CACNA1E: variants seen among roughly 807,000 people sequenced by gnomAD.
The protein encoded by CACNA1E is voltage-dependent R-type calcium channel subunit alpha-1E.
CACNA1E carries 40 observed loss-of-function variants against 259.2 expected under a neutral mutation model. That is an observed-to-expected ratio of 0.15 (90% confidence interval 0.12 to 0.20). The LOEUF (loss-of-function observed/expected upper bound fraction) is 0.20, where lower values mean the gene tolerates loss of function less well. Ranked by LOEUF, CACNA1E falls within the 10% of genes least tolerant of loss-of-function variation. CACNA1E has a pLI of 1.00. For missense variants in CACNA1E, 1,874 were observed against 3,040.1 expected (o/e 0.62, Z 9.02); for synonymous variants, 1,104 against 1,138.5 (o/e 0.97, Z 0.61).
chr1:181,546,748 C>T (rs576328775), intron 3 of CACNA1E, among the ~76,000 whole-genome samples: 1 of 152,324 alleles, frequency 6.6e-6, no homozygotes, highest in East Asian at 1.9e-4. Context: ...CTCTTCATGA[C>T]AACTGTCCAC....
intron 14 of CACNA1E, 66 bp from the exon 15 acceptor site, chr1:181,720,717 T>G (rs1654342227): frequency 3.3e-6 from 3 of 916,226 alleles, no homozygotes; most frequent in Non-Finnish European, 5.3e-6. Flanking sequence ...AGCTGTGATC[T>G]TGGGGAATGG....
intron 34 of CACNA1E, among the ~76,000 whole-genome samples, chr1:181,765,233 GT>G (rs1658921263): frequency 6.6e-6 from 1 of 151,944 alleles, no homozygotes; most frequent in Admixed American, 6.6e-5. Context: ...CTTATTTTGT[GT>G]TAGAATGTAT....
intron 6 of CACNA1E, among the ~76,000 whole-genome samples, chr1:181,581,366 A>G (rs1380837101): frequency 6.6e-6 from 1 of 152,204 alleles, no homozygotes; most frequent in South Asian, 2.1e-4. Context: ...CATTACACAC[A>G]CATAAAAAGC....
At chr1:181,716,298 A>G (rs961085504) in intron 10 of CACNA1E, among the ~76,000 whole-genome samples, 169 bp downstream of exon 10, 1 of 142,454 alleles carries the variant, frequency 7.0e-6, no homozygotes, top group South Asian at 2.2e-4. Context: ...GATTTATTTA[A>G]AAAAAAAAAA....
At chr1:181,503,070 C>T (rs1665402558) in intron 1 of CACNA1E, among the ~76,000 whole-genome samples, 2 of 152,166 alleles carry the variant, frequency 1.3e-5, no homozygotes, top group Non-Finnish European at 2.9e-5. Context: ...GCAGAGATTT[C>T]TGTAAGAATG....
At chr1:181,773,159 G>A (rs1395576317) in intron 37 of CACNA1E, among the ~76,000 whole-genome samples, 1 of 152,178 alleles carries the variant, frequency 6.6e-6, no homozygotes, top group Non-Finnish European at 1.5e-5. Context: ...TCCAGGCATT[G>A]CTACCTTGCA....
chr1:181,673,625 G>C (rs1454613900), intron 7 of CACNA1E, among the ~76,000 whole-genome samples: 1 of 152,180 alleles, frequency 6.6e-6, no homozygotes, highest in East Asian at 1.9e-4. Flanking sequence ...AGAGCAGATG[G>C]TCCACTGCCC....
intron 3 of CACNA1E, among the ~76,000 whole-genome samples, chr1:181,549,677 T>C (rs74130036): frequency 0.088 from 13,344 of 152,112 alleles, 1,942 homozygotes; most frequent in African/African-American, 0.3. Flanking sequence ...GCTGGAGCAA[T>C]GGGTGTTGGC....
chr1:181,633,269 A>C (rs926255135), intron 6 of CACNA1E, among the ~76,000 whole-genome samples: 16 of 152,068 alleles, frequency 1.1e-4, no homozygotes, highest in African/African-American at 3.9e-4. Flanking sequence ...TGAGTATAAT[A>C]TCATGGTATC....
intron 18 of CACNA1E, among the ~76,000 whole-genome samples, chr1:181,727,009 G>A (rs1303230105): frequency 6.6e-6 from 1 of 152,226 alleles, no homozygotes; most frequent in Non-Finnish European, 1.5e-5. Context: ...GGGTTGGGGA[G>A]TGGTGGTAGT....
chr1:181,354,681 T>C (rs1454930736), intron 1 of CACNA1E, among the ~76,000 whole-genome samples: 1 of 151,842 alleles, frequency 6.6e-6, no homozygotes, highest in African/African-American at 2.4e-5. Context: ...ACCCGCAGAG[T>C]AGTTTTCATG....
At chr1:181,417,857 G>A (rs1658397154) in intron 2 of CACNA1E, among the ~76,000 whole-genome samples, 1 of 152,178 alleles carries the variant, frequency 6.6e-6, no homozygotes, top group Non-Finnish European at 1.5e-5. Flanking sequence ...TCTGGTCCCT[G>A]GTACCAGGCC....
At chr1:181,423,356 A>T (rs1433499493) in intron 2 of CACNA1E, among the ~76,000 whole-genome samples, 1 of 152,144 alleles carries the variant, frequency 6.6e-6, no homozygotes, top group Non-Finnish European at 1.5e-5. Context: ...ATTATTATTC[A>T]TCTGGTCTAG....
intron 6 of CACNA1E, among the ~76,000 whole-genome samples, 196 bp from the exon 7 acceptor site, chr1:181,651,142 G>A (rs751298764): frequency 1.7e-4 from 26 of 152,322 alleles, no homozygotes; most frequent in South Asian, 1.7e-3. Flanking sequence ...TGGTGAGGCT[G>A]ATGCTGTGTT....
rs1434130420 is a variant in CACNA1E at position 181,781,412 on chromosome 1, AC to A, written c.5268-12del. The A allele has an allele frequency of 1.4e-6, 2 of 1,432,494 alleles. No individual in the cohort carries two copies. The highest frequency in any genetic ancestry group is 1.4e-5 in the African/African-American group (1 of 70,496). 88.7% of individuals were successfully genotyped at this position (1,432,494 alleles called of 1,614,324 possible). A position where few individuals can be genotyped will look rare whatever the true frequency, so the allele number is the denominator to read the frequency against. ...CTAACCCACCCCATCCCAACTCACC[AC>A]CCTCCATGAGCAGTGGCCGCATCCA... On this transcript the variant is annotated splice_polypyrimidine_tract_variant and intron_variant, in intron 38 of 47. Transcript: ENST00000367573.
At chr1:181,386,783 G>A (rs1045027046) in intron 1 of CACNA1E, among the ~76,000 whole-genome samples, 1 of 152,094 alleles carries the variant, frequency 6.6e-6, no homozygotes, top group African/African-American at 2.4e-5. Flanking sequence ...CCCCATGTAG[G>A]CCCTTCTGCA....
At position 181,798,359 on chromosome 1, in the gene CACNA1E, G is replaced by A. The variant is rs373527839; in HGVS notation, c.6467G>A (p.Arg2156His). The part of the protein sequence containing the change: ...VSDTSTPRRS[R>H]RQLPPVPPKP... ...GACACCAGCACCCCAAGAAGAAGTC[G>A]TCGGCAGCTCCCACCCGTCCCGCCA... Residue 2156 changes from arginine to histidine, a missense_variant, in exon 48 of 48, where the codon CGT (arginine) becomes CAT (histidine). Physicochemically the swap from Arg to His is conservative, Grantham distance 29. Transcript: ENST00000367573. This position sits in a 1 kb window ranked among gnomAD's most constrained non-coding sequence, Gnocchi z 4.2. 7.6e-5 allele frequency: 122 copies of A among 1,611,478 alleles called. No homozygotes were observed. Among genetic ancestry groups the A allele is most frequent in the Middle Eastern group, 1.7e-4 (1 of 6,060 alleles).
intron 1 of CACNA1E, among the ~76,000 whole-genome samples, chr1:181,338,906 T>G (rs969897441): frequency 2.6e-5 from 4 of 152,146 alleles, no homozygotes; most frequent in Non-Finnish European, 5.9e-5. Flanking sequence ...CTAGCACAAT[T>G]AATTGAAGAG....
intron 12 of CACNA1E, 115 bp downstream of exon 12, chr1:181,718,282 G>A (rs528581212): frequency 6.8e-5 from 41 of 603,888 alleles, no homozygotes; most frequent in African/African-American, 5.7e-4. Context: ...ATGTAAAAGC[G>A]GAATAGATAA....
Sources: allele counts gnomAD v4.1 joint callset (sites outside exome capture counted in the v4.1 genomes callset), GRCh38; gene constraint gnomAD v4.1.1; non-coding constraint Gnocchi (gnomAD v3.1); transcripts MANE v1.5; gene names NCBI Gene and HGNC (gene_info 2026-07-23, HGNC 2026-07-21).